Variants in EIF4G1 observed in about 807,000 individuals in gnomAD.
The protein encoded by EIF4G1 is EIF4-gamma.
EIF4G1 carries 4 observed loss-of-function variants against 187.8 expected under a neutral mutation model. The observed-to-expected ratio is 0.02, with a 90% CI of 0.01 to 0.05. The LOEUF (loss-of-function observed/expected upper bound fraction) is 0.05. EIF4G1 is among the 10% of genes least tolerant of loss of function. The pLI, the probability that EIF4G1 is intolerant of heterozygous loss-of-function variation, is 1.00. For synonymous variants in EIF4G1, 844 were observed against 781.4 expected, an observed-to-expected ratio of 1.08 and a Z score of -1.34; for missense variants, 1,647 against 2,081.1, an observed-to-expected ratio of 0.79 and a Z score of 4.06.
Position 184,326,586 on chromosome 3 carries a change from C to T in EIF4G1, c.3282C>T (p.Gly1094=), listed in dbSNP as rs1316085224. ...CACCTGGAGGGCGACTGAGCTGGGG[C>T]AAGGGCAGCAGCGGAGGCTCAGGAG... The part of the protein sequence containing the change: ...LFAPGGRLSW[G]KGSSGGSGAK... Residue 1094 remains glycine (G), a synonymous_variant, in exon 22 of 33, where the codon GGC becomes GGT. Transcript: ENST00000346169. 5.6e-6 allele frequency: 9 copies of T among 1,612,586 alleles called. No individual in the cohort carries two copies. Among genetic ancestry groups the T allele is most frequent in the Admixed American group, 1.7e-5 (1 of 59,964 alleles).
intron 7 of EIF4G1, 95 bp downstream of exon 7, chr3:184,319,896 G>A: frequency 2.2e-6 from 2 of 918,570 alleles, no homozygotes. Context: ...AGTGACTTGA[G>A]GAGGAAGGAG....
rs961048232 is a variant in EIF4G1, at chr3:184,321,150, G to A, written c.698-132G>A. On this transcript the variant is annotated intron_variant, in intron 9 of 32. Coordinates refer to ENST00000346169, the MANE Select transcript of EIF4G1 (RefSeq NM_198241.3). ...GTGAATTGGGTTTTGGATGAAAGTG[G>A]AAGTATAGCTTAGGTGGGGAGAAGA... 4.0e-6 allele frequency: 6 copies of A among 1,488,256 alleles called. No homozygotes were observed. In the African/African-American group the frequency reaches 6.9e-5, roughly 17 times the overall value. 92.2% of individuals were successfully genotyped at this position (1,488,256 alleles called of 1,614,324 possible). A position where few individuals can be genotyped will look rare whatever the true frequency, so the allele number is the denominator to read the frequency against.
Position 184,325,683 on chromosome 3 carries a change from G to C in EIF4G1, c.3121+44G>C, listed in dbSNP as rs762941857. The C allele has an allele frequency of 2.5e-6, 4 of 1,614,052 alleles. No individual in the cohort carries two copies. ...TTGAGAAGGGAGCAGTGAAGGGACC[G>C]GGAGGTTATACTTTCCTCTGATGAC... is the stretch of plus-strand genomic sequence containing the variant. On this transcript the variant is annotated intron_variant, in intron 20 of 32. Transcript: ENST00000346169. The surrounding 1 kb of genome is among the most constrained non-coding windows in gnomAD (Gnocchi z 5.2).
rs1466902711 is a variant in EIF4G1 at position 184,325,318 on chromosome 3, A to G, written c.2906A>G (p.Lys969Arg). The G allele has an allele frequency of 6.2e-7, 1 of 1,614,206 alleles. No homozygotes were observed. The highest frequency in any genetic ancestry group is 8.5e-7 in the Non-Finnish European group (1 of 1,180,036). The change falls in exon 19 of 33, where the codon AAG becomes AGG. Residue 969 changes from lysine (K) to arginine (R), a missense_variant. Transcript: ENST00000346169. This position sits in a 1 kb window ranked among gnomAD's most constrained non-coding sequence, Gnocchi z 5.2. ...FNQMEKIIKE[K>R]KTSSRIRFML... is the part of the protein sequence containing the mutation. ...CAGATGGAAAAAATCATTAAAGAAA[A>G]GAAGACGTCATCCCGCATCCGCTTT... is the stretch of plus-strand genomic sequence containing the variant.
chr3:184,319,077 A>G (rs1045961931), intron 6 of EIF4G1: 1 of 152,526 alleles, frequency 6.6e-6, no homozygotes, highest in Non-Finnish European at 1.5e-5. Context: ...CCATCTCAAA[A>G]AAAAAAAAAA....
intron 4 of EIF4G1, 52 bp from the exon 5 acceptor site, chr3:184,317,269 T>G (rs1722965789): frequency 6.2e-7 from 1 of 1,603,530 alleles, no homozygotes; most frequent in South Asian, 1.1e-5. Context: ...TGGCAATTTT[T>G]TGTCCACTTC....
At chr3:184,331,834 G>A in intron 31 of EIF4G1, 25 bp downstream of exon 31, 2 of 1,614,148 alleles carry the variant, frequency 1.2e-6, no homozygotes, top group Non-Finnish European at 1.7e-6. Flanking sequence ...GGAGATGGAG[G>A]GGCAAGGGTG....
At position 184,322,000 on chromosome 3, in the gene EIF4G1, A is replaced by G. The variant is rs778940938; in HGVS notation, c.1416A>G (p.Gly472=). Reference sequence around the variant, plus strand: ...AAGAAGGAGAAGCAGGAGAAGCAGGAGAAGCTGAGAGTGAGAAAGGAGGAG... The same window carrying G: ...AAGAAGGAGAAGCAGGAGAAGCAGGGGAAGCTGAGAGTGAGAAAGGAGGAG... The part of the protein sequence containing the change: ...EEEEGEAGEA[G]EAESEKGGEE... The change falls in exon 10 of 33, where the codon GGA becomes GGG. Residue 472 remains glycine, a synonymous_variant. Transcript: ENST00000346169. 12 of 1,599,420 alleles carry G rather than the reference A, an allele frequency of 7.5e-6. No individual in the cohort carries two copies. In the African/African-American group the frequency reaches 8.0e-5, roughly 11 times the overall value.
At chr3:184,327,159 A>T (rs1413008563) in intron 23 of EIF4G1, 57 bp from the exon 24 acceptor site, 7 of 1,604,602 alleles carry the variant, frequency 4.4e-6, no homozygotes, top group Non-Finnish European at 6.0e-6. Context: ...ATGTTGTGTA[A>T]TTACATGAGT....
In EIF4G1 at chr3:184,323,366, C is replaced by T; in HGVS notation, c.2089-42C>T. On this transcript the variant is annotated intron_variant, in intron 14 of 32. Transcript: ENST00000346169. The surrounding 1 kb of genome is among the most constrained non-coding windows in gnomAD (Gnocchi z 6.9). ...GTAGTGGTGTCACATATTGTGCTGACTAGTTCCATGTCCCCTCTTGTCTTC... is the reference window on the plus strand; with the variant it reads ...GTAGTGGTGTCACATATTGTGCTGATTAGTTCCATGTCCCCTCTTGTCTTC... 1 of 1,613,614 alleles carries T rather than the reference C, an allele frequency of 6.2e-7. No individual in the cohort carries two copies. Among genetic ancestry groups the T allele is most frequent in the East Asian group, 2.2e-5 (1 of 44,876 alleles).
chr3:184,318,245 A>G (rs1392993090), intron 6 of EIF4G1, among the ~76,000 whole-genome samples: 4 of 152,144 alleles, frequency 2.6e-5, no homozygotes, highest in Non-Finnish European at 5.9e-5. Flanking sequence ...TTGAGTATGA[A>G]TCTCTCATAC....
Position 184,325,021 on chromosome 3 carries a change from C to T in EIF4G1, c.2763C>T (p.Val921=). 6.2e-7 allele frequency: 1 copy of T among 1,614,196 alleles called. No homozygotes were observed. Among genetic ancestry groups the T allele is most frequent in the South Asian group, 1.1e-5 (1 of 91,080 alleles). Residue 921 remains valine, a synonymous_variant, in exon 18 of 33, where the codon GTC becomes GTT. Coordinates refer to ENST00000346169, the MANE Select transcript of EIF4G1 (RefSeq NM_198241.3). The surrounding 1 kb of genome is among the most constrained non-coding windows in gnomAD (Gnocchi z 5.2). ...AGGCAATAATGCATGACTGTGTGGT[C>T]AAACTGCTTAAGAACCATGATGAAG... is the stretch of plus-strand genomic sequence containing the variant. The part of the protein sequence containing the change: ...LTEAIMHDCV[V]KLLKNHDEES...
At chr3:184,324,825 T>C in intron 17 of EIF4G1, 53 bp from the exon 18 acceptor site, 1 of 1,591,554 alleles carries the variant, frequency 6.3e-7, no homozygotes, top group South Asian at 1.1e-5. Context: ...AAAAGGGTTT[T>C]AGCCGAGTGG....
rs1339123869 is a variant in EIF4G1 at position 184,335,105 on chromosome 3, CCT to C, written c.*201_*202del. The C allele has an allele frequency of 3.1e-6, 2 of 649,064 alleles. No homozygotes were observed. Among genetic ancestry groups the C allele is most frequent in the African/African-American group, 1.8e-5 (1 of 54,864 alleles). 40.2% of individuals were successfully genotyped at this position (649,064 alleles called of 1,614,324 possible). On this transcript the variant is annotated 3_prime_UTR_variant, in exon 33 of 33. Transcript: ENST00000346169. The stretch of plus-strand genomic sequence containing the variant: ...CCCCTCCAGGATGCCGCCAGGTGTC[CCT>C]CTCCTCCCCCTGGGGCACAGAGATA...
intron 32 of EIF4G1, among the ~76,000 whole-genome samples, chr3:184,333,571 G>A (rs1726544462): frequency 6.6e-6 from 1 of 152,146 alleles, no homozygotes; most frequent in African/African-American, 2.4e-5. Flanking sequence ...ATGCTGCTGT[G>A]AGCGTTTGTA....
intron 28 of EIF4G1, 107 bp from the exon 29 acceptor site, chr3:184,331,159 G>T: frequency 1.7e-6 from 2 of 1,199,450 alleles, no homozygotes; most frequent in Non-Finnish European, 2.5e-6. Flanking sequence ...TGCCTAGCAA[G>T]TACCTAGTAG....
At chr3:184,320,331 G>A in intron 7 of EIF4G1, 1 of 1,323,532 alleles carries the variant, frequency 7.6e-7, no homozygotes, top group South Asian at 1.5e-5. Context: ...GGGGTCCTGG[G>A]CCCCAGGGTG....
chr3:184,321,681 CATCTGAAGATCTGGA>C lies in EIF4G1; in HGVS notation c.1099_1113del (p.Ser367_Glu371del). ...ATTCATGAGCCTAATGGCATGGTCCCATCTGAAGATCTGGAACCAGAGGTGGAGTCAAGCCCAGAG... is the reference window on the plus strand; with the variant it reads ...ATTCATGAGCCTAATGGCATGGTCCCACCAGAGGTGGAGTCAAGCCCAGAG... On this transcript the variant is annotated inframe_deletion, in exon 10 of 33. Transcript: ENST00000346169. 2 of 1,596,594 alleles carry C rather than the reference CATCTGAAGATCTGGA, an allele frequency of 1.3e-6. No individual in the cohort carries two copies. The highest frequency in any genetic ancestry group is 1.7e-6 in the Non-Finnish European group (2 of 1,169,544).
intron 17 of EIF4G1, 123 bp downstream of exon 17, chr3:184,324,470 G>A (rs900359484): frequency 1.5e-5 from 22 of 1,456,752 alleles, no homozygotes; most frequent in Admixed American, 1.8e-5. Flanking sequence ...GGCTCAGGAC[G>A]TTTTTTTTCC....
Sources: allele counts gnomAD v4.1 joint callset (sites outside exome capture counted in the v4.1 genomes callset), GRCh38; gene constraint gnomAD v4.1.1; non-coding constraint Gnocchi (gnomAD v3.1); transcripts MANE v1.5; gene names NCBI Gene and HGNC (gene_info 2026-07-23, HGNC 2026-07-21).